The following BRI3 variants were observed in gnomAD, a reference collection of about 807,000 sequenced individuals.
The protein encoded by BRI3 is membrane protein BRI3.
Under a neutral mutation model 12.8 loss-of-function variants are expected in BRI3, and 6 were observed. The observed-to-expected ratio is 0.47, with a 90% confidence interval of 0.26 to 0.93. BRI3 has a LOEUF of 0.93. Ranked by LOEUF, BRI3 falls within the 40% of genes least tolerant of loss-of-function variation. The pLI is 0.15. For synonymous variants in BRI3, 91 were observed against 76.1 expected, an observed-to-expected ratio of 1.20 and a Z score of -1.02; for missense variants, 134 against 171.1, an observed-to-expected ratio of 0.78 and a Z score of 1.21.
chr7:98,313,061 G>C (rs1467450609), downstream of BRI3, among the ~76,000 whole-genome samples: 1 of 151,612 alleles, frequency 6.6e-6, no homozygotes, highest in East Asian at 2.0e-4. Flanking sequence ...AAGAGTGGTG[G>C]GGGGCTGATG....
At chr7:98,286,924 G>C (rs1025462944) in intron 2 of BRI3, among the ~76,000 whole-genome samples, 2 of 152,250 alleles carry the variant, frequency 1.3e-5, no homozygotes, top group Non-Finnish European at 2.9e-5. Flanking sequence ...GCCTCTTGGC[G>C]TTTGAAGTTG....
intron 2 of BRI3, 55 bp downstream of exon 2, chr7:98,282,508 C>T: frequency 4.8e-6 from 7 of 1,460,218 alleles, no homozygotes; most frequent in South Asian, 4.6e-5. Context: ...GACCCCCGCC[C>T]TAACCCCCAG....
At chr7:98,305,047 G>GTTT (rs59633894), upstream of BRI3, among the ~76,000 whole-genome samples, 503 of 100,340 alleles carry the variant, frequency 5.0e-3, 28 homozygotes, top group South Asian at 0.023. Context: ...TTTGTTTTTT[G>GTTT]TTTTTTTTTT....
At chr7:98,320,421 C>T in the BRI3 span, 8 of 687,250 alleles carry the variant, frequency 1.2e-5, no homozygotes, top group South Asian at 1.9e-5. Flanking sequence ...CTGCAACCTC[C>T]GCCTCCCGGG....
chr7:98,323,050 G>A, the BRI3 span: 2 of 152,192 alleles, frequency 1.3e-5, no homozygotes, highest in African/African-American at 4.8e-5. Context: ...GCTAAACACG[G>A]GGAGTAAAGA....
At chr7:98,286,043 G>A (rs1471908303) in intron 2 of BRI3, among the ~76,000 whole-genome samples, 1 of 152,126 alleles carries the variant, frequency 6.6e-6, no homozygotes, top group African/African-American at 2.4e-5. Context: ...CCAGCCCCCT[G>A]TGACACTGCC....
chr7:98,297,986 CT>C (rs1386847178), intron 1 of BRI3, among the ~76,000 whole-genome samples: 1 of 151,458 alleles, frequency 6.6e-6, no homozygotes, highest in Non-Finnish European at 1.5e-5. Context: ...ATCCCAGCAC[CT>C]TGGGAGGCCA....
At chr7:98,290,655 C>T (rs1314600677) in intron 2 of BRI3, among the ~76,000 whole-genome samples, 6 of 152,082 alleles carry the variant, frequency 3.9e-5, no homozygotes, top group African/African-American at 7.2e-5. Flanking sequence ...TGTGCCACCA[C>T]GCCTGGCAGA....
exon 2 of BRI3, chr7:98,307,933 G>A (rs1204692293): frequency 1.3e-6 from 2 of 1,598,746 alleles, no homozygotes; most frequent in African/African-American, 2.7e-5. Flanking sequence ...GCTTTTCAAA[G>A]CATGAGAATC....
upstream of BRI3, chr7:98,304,252 C>T (rs984939810): frequency 1.2e-6 from 2 of 1,613,348 alleles, no homozygotes; most frequent in Non-Finnish European, 1.7e-6. Context: ...GTCGTCCTGG[C>T]CGAATCTGCT....
At chr7:98,307,946 T>A (rs6465666) in exon 2 of BRI3, 1 of 1,567,218 alleles carries the variant, frequency 6.4e-7, no homozygotes, top group South Asian at 1.1e-5. Flanking sequence ...TGAGAATCAA[T>A]AGGCACATTC....
chr7:98,305,336 T>A (rs1311046661), upstream of BRI3, among the ~76,000 whole-genome samples: 5 of 146,438 alleles, frequency 3.4e-5, no homozygotes. Context: ...AAAAAAAAAA[T>A]GTAAACACTT....
chr7:98,290,365 T>A (rs1799881127), intron 2 of BRI3, among the ~76,000 whole-genome samples: 1 of 149,680 alleles, frequency 6.7e-6, no homozygotes, highest in South Asian at 2.1e-4. Context: ...CCGGCTAATT[T>A]TTTGTATTTT....
intron 2 of BRI3, 116 bp from the exon 3 acceptor site, chr7:98,290,995 G>C: frequency 1.7e-6 from 2 of 1,209,726 alleles, no homozygotes; most frequent in Non-Finnish European, 2.4e-6. Context: ...ACTCGCCAGA[G>C]GTCCCCATGT....
chr7:98,291,192 T>C lies in BRI3; in HGVS notation c.327T>C (p.Cys109=). ...IILFPFGFIC[C]FALRKRRCPN... is the part of the protein sequence containing the mutation. Reference sequence around the variant, plus strand: ...TCTTCCCCTTTGGGTTCATTTGCTGTTTTGCCTTGAGGAAGCGACGATGCC... The same window carrying C: ...TCTTCCCCTTTGGGTTCATTTGCTGCTTTGCCTTGAGGAAGCGACGATGCC... The change falls in exon 3 of 3, where the codon TGT becomes TGC. Residue 109 remains cysteine, a synonymous_variant. Transcript: ENST00000297290. 1.9e-6 allele frequency: 3 copies of C among 1,614,064 alleles called. No homozygotes were observed. Among genetic ancestry groups the C allele is most frequent in the Non-Finnish European group, 2.5e-6 (3 of 1,180,044 alleles).
intron 1 of BRI3, among the ~76,000 whole-genome samples, 171 bp downstream of exon 1, chr7:98,282,108 C>A (rs984165878): frequency 3.5e-4 from 53 of 152,158 alleles, no homozygotes; most frequent in Non-Finnish European, 6.2e-4. Flanking sequence ...CCCCCCGGGG[C>A]TCTAGTCCTC....
At chr7:98,304,477 CA>C, upstream of BRI3, 1 of 1,162,820 alleles carries the variant, frequency 8.6e-7, no homozygotes, top group Non-Finnish European at 1.2e-6. Flanking sequence ...AATAGTACAT[CA>C]CCAATCAAAA....
exon 2 of BRI3, chr7:98,308,264 C>T (rs761895622): frequency 2.4e-4 from 116 of 475,414 alleles, no homozygotes; most frequent in Admixed American, 3.9e-4. Context: ...CAATTCCAAT[C>T]GCAAAGGCAG....
At chr7:98,290,530 G>A (rs942522671) in intron 2 of BRI3, among the ~76,000 whole-genome samples, 1 of 150,088 alleles carries the variant, frequency 6.7e-6, no homozygotes, top group Non-Finnish European at 1.5e-5. Flanking sequence ...ATGGAGTCTC[G>A]CTCTGTCGCC....
Sources: gnomAD v4.1 joint callset for allele counts (sites outside exome capture counted in the v4.1 genomes callset) on GRCh38, gnomAD v4.1.1 for gene constraint, MANE v1.5 for transcripts, NCBI Gene and HGNC (gene_info 2026-07-23, HGNC 2026-07-21) for gene names.